The following PSD2 variants were observed in gnomAD, a reference collection of about 807,000 sequenced individuals.
PSD2 encodes PH and SEC7 domain-containing protein 2.
PSD2 carries 38 observed loss-of-function variants against 69.8 expected under a neutral mutation model. That is an observed-to-expected ratio of 0.54 (90% CI 0.42 to 0.71). The LOEUF (loss-of-function observed/expected upper bound fraction) is 0.71, where lower values mean the gene tolerates loss of function less well. Among genes scored for constraint, PSD2 ranks in the 30% least tolerant of loss-of-function variants. The probability of loss-of-function intolerance (pLI) is 0.00; values close to 1 mark genes in which losing one functional copy is unlikely to be tolerated. For missense variants in PSD2, 943 were observed against 1,014.5 expected (o/e 0.93, Z 0.96); for synonymous variants, 412 against 423.0 (o/e 0.97, Z 0.32).
At chr5:139,801,756 C>T (rs779136473) in intron 1 of PSD2, among the ~76,000 whole-genome samples, 1 of 152,246 alleles carries the variant, frequency 6.6e-6, no homozygotes, top group Non-Finnish European at 1.5e-5. Context: ...GTCTGTCAGA[C>T]AACCCCCCTC....
Position 139,842,600 on chromosome 5 carries a change from A to G in PSD2, c.*126A>G. On this transcript the variant is annotated 3_prime_UTR_variant, in exon 15 of 15. Transcript: ENST00000274710. ...GATGGGCAGCTAGAGGGGTGCAGAA[A>G]GCCTGTGGGCCCAGGAGATGGAGAT... 1 of 820,012 alleles carries G rather than the reference A, an allele frequency of 1.2e-6. No homozygotes were observed. The highest frequency in any genetic ancestry group is 2.5e-5 in the East Asian group (1 of 39,248). 50.8% of individuals were successfully genotyped at this position (820,012 alleles called of 1,614,324 possible). A position where few individuals can be genotyped will look rare whatever the true frequency, so the allele number is the denominator to read the frequency against.
chr5:139,811,419 G>A (rs1315690927), intron 2 of PSD2, among the ~76,000 whole-genome samples: 1 of 152,176 alleles, frequency 6.6e-6, no homozygotes, highest in African/African-American at 2.4e-5. Flanking sequence ...AGGGGCTGGG[G>A]GAACGTAGGG....
the PSD2 span, among the ~76,000 whole-genome samples, chr5:139,777,706 A>G: frequency 4.6e-5 from 7 of 152,106 alleles, no homozygotes; most frequent in African/African-American, 1.7e-4. Context: ...CAACATGGCC[A>G]GACCTCATCT....
rs201850937 is a variant in PSD2, at chr5:139,814,224, G to A, written c.876G>A (p.Ser292=). 58 of 1,613,822 alleles carry A rather than the reference G, an allele frequency of 3.6e-5. 1 individual carries two copies. The highest frequency in any genetic ancestry group is 2.5e-4 in the Admixed American group (15 of 59,986). The change falls in exon 4 of 15, where the codon TCG becomes TCA. Residue 292 remains serine, a synonymous_variant. Transcript: ENST00000274710. The surrounding 1 kb of genome is among the most constrained non-coding windows in gnomAD (Gnocchi z 4.4). ...LSDSDSELSS[S]EGLEPGSADP... The stretch of plus-strand genomic sequence containing the variant: ...ACTCAGACTCTGAGCTCAGCAGCTC[G>A]GAGGGGTTGGAGCCTGGTAGTGCAG...
chr5:139,833,356 C>T (rs987213987), intron 7 of PSD2, among the ~76,000 whole-genome samples: 13 of 152,066 alleles, frequency 8.5e-5, no homozygotes, highest in African/African-American at 2.7e-4. Flanking sequence ...GGCACCTCAC[C>T]TCCTCCTTGG....
chr5:139,789,506 AG>A, the PSD2 span, among the ~76,000 whole-genome samples: 1 of 152,196 alleles, frequency 6.6e-6, no homozygotes, highest in Non-Finnish European at 1.5e-5. Flanking sequence ...AGAGCCTGGG[AG>A]GTCAAGGCTG....
chr5:139,805,574 C>T (rs988624449), intron 1 of PSD2, among the ~76,000 whole-genome samples: 1 of 152,192 alleles, frequency 6.6e-6, no homozygotes, highest in Non-Finnish European at 1.5e-5. Context: ...TTCAGTTCTA[C>T]TGAGTGCTAT....
intron 6 of PSD2, 100 bp from the exon 7 acceptor site, chr5:139,822,626 C>A: frequency 9.3e-7 from 1 of 1,080,358 alleles, no homozygotes; most frequent in Non-Finnish European, 1.3e-6. Flanking sequence ...GGCGGCCGGC[C>A]TCCCTCTGTG....
At chr5:139,756,921 T>G in the PSD2 span, among the ~76,000 whole-genome samples, 1 of 152,206 alleles carries the variant, frequency 6.6e-6, no homozygotes, top group African/African-American at 2.4e-5. Context: ...TCAAATTTCT[T>G]GAGCACTTCC....
At chr5:139,785,781 G>A in the PSD2 span, among the ~76,000 whole-genome samples, 1 of 152,108 alleles carries the variant, frequency 6.6e-6, no homozygotes, top group East Asian at 1.9e-4. Flanking sequence ...TGTGGGAAGG[G>A]GTCTCCAATC....
chr5:139,751,366 C>T, the PSD2 span, among the ~76,000 whole-genome samples: 2 of 152,166 alleles, frequency 1.3e-5, no homozygotes, highest in Non-Finnish European at 2.9e-5. Flanking sequence ...TTGGCATCTA[C>T]TGTGTGCTGG....
chr5:139,809,402 T>A lies in PSD2; in HGVS notation c.-39T>A, dbSNP rs778654861. On this transcript the variant is annotated 5_prime_UTR_variant, in exon 2 of 15. Coordinates refer to ENST00000274710, the MANE Select transcript of PSD2 (RefSeq NM_032289.4). ...CCACCCACTGCCAGGTCTAGAGGAG[T>A]CCCAGGAGCAGCCAGGACAGGCGGA... 6.9e-6 allele frequency: 11 copies of A among 1,593,234 alleles called. No homozygotes were observed. The highest frequency in any genetic ancestry group is 2.3e-5 in the South Asian group (2 of 87,608).
rs373140651 is a variant in PSD2, at chr5:139,822,674, A to T, written c.1211-52A>T. On this transcript the variant is annotated intron_variant, in intron 6 of 14. Coordinates refer to ENST00000274710, the MANE Select transcript of PSD2 (RefSeq NM_032289.4). Reference sequence around the variant, plus strand: ...TGACGGGTTCCGTCAGGAGACAGGGAGTGGGAAGAGGTTGGATCCTCGCAC... The same window carrying T: ...TGACGGGTTCCGTCAGGAGACAGGGTGTGGGAAGAGGTTGGATCCTCGCAC... 1.9e-5 allele frequency: 28 copies of T among 1,509,840 alleles called. No individual in the cohort carries two copies. In the South Asian group the frequency reaches 3.3e-4, roughly 18 times the overall value. The allele number at this position is 1,509,840 out of a possible 1,614,324, so 93.5% of individuals were successfully genotyped here.
rs1025815428 is a variant in PSD2 at position 139,842,741 on chromosome 5, C to T, written c.*267C>T. On this transcript the variant is annotated 3_prime_UTR_variant, in exon 15 of 15. Transcript: ENST00000274710. ...CCTCATTTTGTAGGCCAGTTGTGTG[C>T]ATGCTCTAGACACCACCTCGCTGGA... is the stretch of plus-strand genomic sequence containing the variant. 2.1e-6 allele frequency: 1 copy of T among 475,558 alleles called. No individual in the cohort carries two copies. Among genetic ancestry groups the T allele is most frequent in the South Asian group, 3.0e-5 (1 of 33,512 alleles). The allele number at this position is 475,558 out of a possible 1,614,324, so 29.5% of individuals were successfully genotyped here.
the PSD2 span, among the ~76,000 whole-genome samples, chr5:139,747,072 T>C: frequency 6.6e-6 from 1 of 152,134 alleles, no homozygotes; most frequent in Non-Finnish European, 1.5e-5. The surrounding 1 kb of genome is among the most constrained non-coding windows in gnomAD (Gnocchi z 6.7). Context: ...CCTCCCTCCC[T>C]TCTCTCTCTG....
At chr5:139,759,485 C>T in the PSD2 span, among the ~76,000 whole-genome samples, 16 of 152,230 alleles carry the variant, frequency 1.1e-4, no homozygotes, top group East Asian at 1.5e-3. Context: ...GGCTGTCCCC[C>T]GCCCTGGGCT....
At chr5:139,753,221 G>A in the PSD2 span, among the ~76,000 whole-genome samples, 4 of 152,294 alleles carry the variant, frequency 2.6e-5, no homozygotes, top group South Asian at 6.2e-4. Context: ...CGCGAGAAAC[G>A]GGATTTGGAC....
intron 5 of PSD2, among the ~76,000 whole-genome samples, chr5:139,820,879 G>A (rs2126947963): frequency 6.6e-6 from 1 of 152,186 alleles, no homozygotes; most frequent in South Asian, 2.1e-4. Context: ...CAGTGAACAT[G>A]GCCATGATAT....
At chr5:139,819,766 A>G (rs1223386302) in intron 5 of PSD2, among the ~76,000 whole-genome samples, 1 of 152,198 alleles carries the variant, frequency 6.6e-6, no homozygotes, top group African/African-American at 2.4e-5. Context: ...AGGCTACTGT[A>G]TCCTGAGCTG....
Sources: gnomAD v4.1 joint callset for allele counts (sites outside exome capture counted in the v4.1 genomes callset) on GRCh38, gnomAD v4.1.1 for gene constraint, Gnocchi (gnomAD v3.1) non-coding constraint, MANE v1.5 for transcripts, NCBI Gene and HGNC (gene_info 2026-07-23, HGNC 2026-07-21) for gene names.